Variants in PAPPA2 observed in about 807,000 individuals in gnomAD.
The protein encoded by PAPPA2 is pappalysin 2.
In PAPPA2, 86 loss-of-function variants were observed where a neutral mutation model predicts 176.4. The observed-to-expected ratio is 0.49, with a 90% CI of 0.41 to 0.58. The LOEUF (loss-of-function observed/expected upper bound fraction) is 0.58, where lower values mean the gene tolerates loss of function less well. Ranked by LOEUF, PAPPA2 falls within the 20% of genes least tolerant of loss-of-function variation. The pLI, the probability that PAPPA2 is intolerant of heterozygous loss-of-function variation, is 0.00. For missense variants in PAPPA2, 2,073 were observed against 2,256.9 expected (o/e 0.92, Z 1.65); for synonymous variants, 809 against 852.2 (o/e 0.95, Z 0.88).
chr1:176,690,853 A>G, intron 5 of PAPPA2: 1 of 991,918 alleles, frequency 1.0e-6, no homozygotes, highest in Middle Eastern at 5.1e-4. Flanking sequence ...CTGTTTTTGA[A>G]GTTGGTCAAC....
intron 1 of PAPPA2, among the ~76,000 whole-genome samples, chr1:176,494,050 G>A (rs998694642): frequency 1.3e-5 from 2 of 152,092 alleles, no homozygotes; most frequent in Non-Finnish European, 2.9e-5. Context: ...AATTTCCAAA[G>A]CCACATAAAT....
At chr1:176,638,939 C>CGTGTGCGTGT in intron 3 of PAPPA2, among the ~76,000 whole-genome samples, 2 of 143,128 alleles carry the variant, frequency 1.4e-5, no homozygotes, top group South Asian at 4.5e-4. Context: ...TGTGCATGTG[C>CGTGTGCGTGT]GTGTGTGTGT....
At chr1:176,674,407 C>G (rs1558511299) in intron 4 of PAPPA2, among the ~76,000 whole-genome samples, 1 of 152,000 alleles carries the variant, frequency 6.6e-6, no homozygotes, top group African/African-American at 2.4e-5. Context: ...TATCCCTTGC[C>G]CTGCTCCCAC....
intron 1 of PAPPA2, among the ~76,000 whole-genome samples, chr1:176,546,067 A>G (rs1348729319): frequency 6.6e-6 from 1 of 152,200 alleles, no homozygotes; most frequent in African/African-American, 2.4e-5. Context: ...ATTAATGTCA[A>G]AATAAGTATG....
chr1:176,477,889 A>G (rs939968004), intron 1 of PAPPA2, among the ~76,000 whole-genome samples: 2 of 152,156 alleles, frequency 1.3e-5, no homozygotes, highest in African/African-American at 4.8e-5. Context: ...AGGATCCCAG[A>G]CTCACCTCTG....
At chr1:176,587,070 C>A (rs1468453071) in intron 2 of PAPPA2, among the ~76,000 whole-genome samples, 2 of 151,880 alleles carry the variant, frequency 1.3e-5, no homozygotes, top group East Asian at 3.8e-4. Flanking sequence ...TGTTTGTTGG[C>A]CACTTAAATG....
At chr1:176,688,084 T>G (rs1216408988) in intron 4 of PAPPA2, among the ~76,000 whole-genome samples, 1 of 152,196 alleles carries the variant, frequency 6.6e-6, no homozygotes, top group African/African-American at 2.4e-5. Flanking sequence ...TACTTAAACT[T>G]TATAGGTGAA....
intron 1 of PAPPA2, among the ~76,000 whole-genome samples, chr1:176,478,879 C>T (rs1265496172): frequency 1.3e-5 from 2 of 152,192 alleles, no homozygotes; most frequent in Admixed American, 6.5e-5. Flanking sequence ...ATATCACAGT[C>T]ACCTATTTAT....
intron 12 of PAPPA2, among the ~76,000 whole-genome samples, chr1:176,732,419 T>C (rs1662204706): frequency 6.6e-6 from 1 of 152,204 alleles, no homozygotes; most frequent in African/African-American, 2.4e-5. Context: ...TTCAAATTTG[T>C]TTCAAATGAT....
chr1:176,712,206 G>A (rs554421072), intron 12 of PAPPA2, among the ~76,000 whole-genome samples: 3 of 152,026 alleles, frequency 2.0e-5, no homozygotes, highest in East Asian at 1.9e-4. Context: ...ACATACACAC[G>A]GAAAAGTGCA....
At chr1:176,497,272 C>T (rs1361775875) in intron 1 of PAPPA2, among the ~76,000 whole-genome samples, 5 of 152,192 alleles carry the variant, frequency 3.3e-5, no homozygotes, top group Admixed American at 6.5e-5. Context: ...TTTTGGGCTT[C>T]TACGACCACC....
intron 21 of PAPPA2, among the ~76,000 whole-genome samples, chr1:176,820,681 T>G (rs1666627266): frequency 6.6e-6 from 1 of 152,160 alleles, no homozygotes; most frequent in Non-Finnish European, 1.5e-5. Context: ...TCCTACCCTC[T>G]TTTCCCATCT....
At chr1:176,697,966 A>G (rs1029735936) in intron 7 of PAPPA2, among the ~76,000 whole-genome samples, 3 of 152,056 alleles carry the variant, frequency 2.0e-5, no homozygotes, top group Non-Finnish European at 4.4e-5. Context: ...GGCAAAAAAC[A>G]ATAAAAACCA....
intron 14 of PAPPA2, among the ~76,000 whole-genome samples, chr1:176,749,052 C>T (rs1663044127): frequency 8.9e-5 from 1 of 11,264 alleles, no homozygotes; most frequent in Non-Finnish European, 2.0e-4. Flanking sequence ...TGAGAGTTAG[C>T]AGTTTTGATC....
chr1:176,801,816 G>A (rs1008312551), intron 21 of PAPPA2, among the ~76,000 whole-genome samples: 7 of 152,068 alleles, frequency 4.6e-5, no homozygotes, highest in African/African-American at 1.7e-4. Context: ...TTCCCAGAGG[G>A]TTATAATACA....
At chr1:176,702,582 G>A in intron 8 of PAPPA2, 25 bp from the exon 9 acceptor site, 2 of 1,612,762 alleles carry the variant, frequency 1.2e-6, no homozygotes, top group Non-Finnish European at 1.7e-6. Flanking sequence ...GGCTGTAGTG[G>A]TCACAAACCC....
intron 12 of PAPPA2, among the ~76,000 whole-genome samples, chr1:176,736,977 A>G (rs1445074407): frequency 6.6e-6 from 1 of 152,022 alleles, no homozygotes; most frequent in Admixed American, 6.6e-5. Flanking sequence ...ATTTCAGAAA[A>G]TCATAATTCC....
Position 176,699,606 on chromosome 1 carries a change from G to A in PAPPA2, c.3236+17G>A, listed in dbSNP as rs761634343. 9 of 1,584,016 alleles carry A rather than the reference G, an allele frequency of 5.7e-6. No individual in the cohort carries two copies. The highest frequency in any genetic ancestry group is 6.9e-6 in the Non-Finnish European group (8 of 1,161,008). On this transcript the variant is annotated intron_variant, in intron 8 of 22. Transcript: ENST00000367662. Reference sequence around the variant, plus strand: ...CACGGACGTGTGAGTTTGGTAGCATGACTATGGGGCTTCCTGAGGCTCTGG... The same window carrying A: ...CACGGACGTGTGAGTTTGGTAGCATAACTATGGGGCTTCCTGAGGCTCTGG...
intron 1 of PAPPA2, among the ~76,000 whole-genome samples, chr1:176,520,487 A>G (rs1049598801): frequency 2.0e-5 from 3 of 152,240 alleles, no homozygotes; most frequent in African/African-American, 7.2e-5. Context: ...ATACATGGCT[A>G]TCACCAACAT....
Sources: gnomAD v4.1 joint callset for allele counts (sites outside exome capture counted in the v4.1 genomes callset) on GRCh38, gnomAD v4.1.1 for gene constraint, MANE v1.5 for transcripts, NCBI Gene and HGNC (gene_info 2026-07-23, HGNC 2026-07-21) for gene names.